Variants in CLEC19A observed in about 807,000 individuals in gnomAD.
The protein encoded by CLEC19A is C-type lectin domain containing 19A.
Under a neutral mutation model 26.1 loss-of-function variants are expected in CLEC19A, and 21 were observed. That is an observed-to-expected ratio of 0.80 (90% confidence interval 0.57 to 1.16). The LOEUF is 1.16. CLEC19A is among the 50% of genes most tolerant of loss of function. The probability of loss-of-function intolerance (pLI) is 0.00; values close to 1 mark genes in which losing one functional copy is unlikely to be tolerated. For missense variants in CLEC19A, 224 were observed against 227.6 expected (o/e 0.98, Z 0.10); for synonymous variants, 89 against 88.6 (o/e 1.00, Z -0.03).
At chr16:19,304,299 C>G (rs16971804) in intron 3 of CLEC19A, 144 bp downstream of exon 3, 183,496 of 661,686 alleles carry the variant, frequency 0.28, 26,530 homozygotes, top group African/African-American at 0.41. Flanking sequence ...GTCACAGTTA[C>G]AGCATGACCA....
chr16:19,295,444 C>T (rs1897686837), intron 1 of CLEC19A, among the ~76,000 whole-genome samples: 2 of 152,130 alleles, frequency 1.3e-5, no homozygotes, highest in South Asian at 4.1e-4. Context: ...CTCAAGCAGT[C>T]CACCCACCTC....
chr16:19,291,958 A>G (rs1897599256), intron 1 of CLEC19A, among the ~76,000 whole-genome samples: 1 of 152,134 alleles, frequency 6.6e-6, no homozygotes, highest in Non-Finnish European at 1.5e-5. Flanking sequence ...CAGAATGGGG[A>G]GGTGGGGTGT....
intron 1 of CLEC19A, among the ~76,000 whole-genome samples, chr16:19,293,400 T>G (rs961129166): frequency 2.6e-5 from 4 of 152,162 alleles, no homozygotes; most frequent in African/African-American, 9.7e-5. Flanking sequence ...CAGGGGAAAC[T>G]GGGTGAACGG....
rs1345605275 is a variant in CLEC19A, at chr16:19,310,407, G to C, written c.*1324G>C. 6.6e-6 allele frequency: 1 copy of C among 152,446 alleles called. No individual in the cohort carries two copies. The highest frequency in any genetic ancestry group is 1.9e-4 in the East Asian group (1 of 5,190). The allele number at this position is 152,446 out of a possible 1,614,324, so 9.4% of individuals were successfully genotyped here. On this transcript the variant is annotated 3_prime_UTR_variant, in exon 5 of 5. Transcript: ENST00000636231. ...GATCACTTGAGCCCAGGATATCAAG[G>C]CTGCAATGGACCATGATTGTGCTTC...
rs1216607440 is a variant in CLEC19A, at chr16:19,310,299, T to A, written c.*1216T>A. Reference sequence around the variant, plus strand: ...GCCTGGGCAACATAGTAAGACCCCATCTCCATAAGAAAAATTTTTTAATTA... The same window carrying A: ...GCCTGGGCAACATAGTAAGACCCCAACTCCATAAGAAAAATTTTTTAATTA... On this transcript the variant is annotated 3_prime_UTR_variant, in exon 5 of 5. Transcript: ENST00000636231. 6.6e-6 allele frequency: 1 copy of A among 151,468 alleles called. No individual in the cohort carries two copies. The highest frequency in any genetic ancestry group is 1.5e-5 in the Non-Finnish European group (1 of 67,874). The allele number at this position is 151,468 out of a possible 1,614,324, so 9.4% of individuals were successfully genotyped here.
rs1897449436 is a variant in CLEC19A at position 19,285,764 on chromosome 16, C to T, written c.-88C>T. ...CCAGCTCCTGCCAGGCTCCATCTGA[C>T]CCTAGGAGAGCAATCCTGGACCCAA... On this transcript the variant is annotated 5_prime_UTR_variant, in exon 1 of 5. Coordinates refer to ENST00000636231, the MANE Select transcript of CLEC19A (RefSeq NM_001256720.2). 8.6e-7 allele frequency: 1 copy of T among 1,157,620 alleles called. No homozygotes were observed. Among genetic ancestry groups the T allele is most frequent in the South Asian group, 1.3e-5 (1 of 75,838 alleles). The allele number at this position is 1,157,620 out of a possible 1,614,324, so 71.7% of individuals were successfully genotyped here. A position where few individuals can be genotyped will look rare whatever the true frequency, so the allele number is the denominator to read the frequency against.
chr16:19,307,522 C>A (rs1897982073), intron 3 of CLEC19A, 23 bp from the exon 4 acceptor site: 14 of 1,546,774 alleles, frequency 9.1e-6, no homozygotes, highest in Non-Finnish European at 1.2e-5. Context: ...GCTTCTTTGT[C>A]TCTTTGGGTG....
In CLEC19A at chr16:19,293,701, C is replaced by T. The variant is rs567735040; in HGVS notation, c.89-4972C>T. On this transcript the variant is annotated intron_variant, in intron 1 of 4. Transcript: ENST00000636231. ...AAACTCCTGGGCTCAAGCGATTTTCCCACCTTGGCCTCCCAAAGTGTTGAG... is the reference window on the plus strand; with the variant it reads ...AAACTCCTGGGCTCAAGCGATTTTCTCACCTTGGCCTCCCAAAGTGTTGAG... Among the ~76,000 whole-genome samples, 7 of 152,226 alleles carry T rather than the reference C, an allele frequency of 4.6e-5. No individual in the cohort carries two copies. In the East Asian group the frequency reaches 1.2e-3, roughly 25 times the overall value.
At chr16:19,289,301 T>C (rs557840477) in intron 1 of CLEC19A, among the ~76,000 whole-genome samples, 2 of 152,348 alleles carry the variant, frequency 1.3e-5, no homozygotes, top group South Asian at 2.1e-4. Flanking sequence ...GACTCTGCCA[T>C]GTGCATGTTC....
At chr16:19,303,661 G>A (rs1422847225) in intron 2 of CLEC19A, among the ~76,000 whole-genome samples, 3 of 152,136 alleles carry the variant, frequency 2.0e-5, no homozygotes, top group Non-Finnish European at 4.4e-5. Flanking sequence ...ATTATAAATG[G>A]GCAGTTTAAG....
rs1898017528 is a variant in CLEC19A at position 19,309,190 on chromosome 16, C to A, written c.*107C>A. 1.3e-5 allele frequency: 11 copies of A among 824,974 alleles called. No individual in the cohort carries two copies. In the Admixed American group the frequency reaches 1.7e-4, roughly 13 times the overall value. 51.1% of individuals were successfully genotyped at this position (824,974 alleles called of 1,614,324 possible). ...TGTAAAACATACATAGGAAGTAAAT[C>A]TCTTGGACAGAGATTTTAAACAAGC... On this transcript the variant is annotated 3_prime_UTR_variant, in exon 5 of 5. Transcript: ENST00000636231.
At chr16:19,295,110 G>A (rs1300389979) in intron 1 of CLEC19A, among the ~76,000 whole-genome samples, 5 of 152,088 alleles carry the variant, frequency 3.3e-5, no homozygotes, top group Non-Finnish European at 5.9e-5. Flanking sequence ...AAGGGGCGGC[G>A]ATAAAATTCC....
Position 19,298,729 on chromosome 16 carries a change from G to A in CLEC19A, c.145G>A (p.Gly49Ser), listed in dbSNP as rs1302081403. The change falls in exon 2 of 5, where the codon GGC becomes AGC. Residue 49 changes from glycine to serine, a missense_variant. By Grantham distance (56) the Gly-to-Ser change is moderately conservative. Coordinates refer to ENST00000636231, the MANE Select transcript of CLEC19A (RefSeq NM_001256720.2). Reference sequence around the variant, plus strand: ...CCCCCTGTTCTGGATGGAGTTCAAAGGCCACTGCTATCGATTCTTCCCTCT... The same window carrying A: ...CCCCCTGTTCTGGATGGAGTTCAAAAGCCACTGCTATCGATTCTTCCCTCT... ...LCPLFWMEFK[G>S]HCYRFFPLNK... The A allele has an allele frequency of 3.7e-5, 57 of 1,550,912 alleles. No homozygotes were observed. Among genetic ancestry groups the A allele is most frequent in the Non-Finnish European group, 4.7e-5 (54 of 1,147,122 alleles).
chr16:19,307,541 C>A lies in CLEC19A; in HGVS notation c.349-4C>A, dbSNP rs1306959534. Reference sequence around the variant, plus strand: ...CTTTGTCTCTTTGGGTGGAACCCTCCCAGGAAGGGCAGTTTGAATGGACTG... The same window carrying A: ...CTTTGTCTCTTTGGGTGGAACCCTCACAGGAAGGGCAGTTTGAATGGACTG... On this transcript the variant is annotated splice_region_variant and splice_polypyrimidine_tract_variant and intron_variant, in intron 3 of 4. Coordinates refer to ENST00000636231, the MANE Select transcript of CLEC19A (RefSeq NM_001256720.2). 1 of 1,547,838 alleles carries A rather than the reference C, an allele frequency of 6.5e-7. No homozygotes were observed. Among genetic ancestry groups the A allele is most frequent in the East Asian group, 2.4e-5 (1 of 40,884 alleles).
At chr16:19,299,163 GCCAGAAGATCCA>G (rs1897765825) in intron 2 of CLEC19A, among the ~76,000 whole-genome samples, 1 of 152,178 alleles carries the variant, frequency 6.6e-6, no homozygotes, top group Non-Finnish European at 1.5e-5. Context: ...CAAATAGCAT[GCCAGAAGATCCA>G]CCTTTATAAG....
rs187241063 is a variant in CLEC19A at position 19,308,187 on chromosome 16, T to A, written c.481+510T>A. On this transcript the variant is annotated intron_variant, in intron 4 of 4. Transcript: ENST00000636231. ...TCCTCTCTGAGATTCTGTTTCTTCTTCTATAAAATGGGCTTAATAATTTGT... is the reference window on the plus strand; with the variant it reads ...TCCTCTCTGAGATTCTGTTTCTTCTACTATAAAATGGGCTTAATAATTTGT... Among the ~76,000 whole-genome samples, 102 of 152,326 alleles carry A rather than the reference T, an allele frequency of 6.7e-4. 1 individual carries two copies. Among genetic ancestry groups the A allele is most frequent in the Non-Finnish European group, 1.2e-3 (85 of 68,026 alleles).
intron 3 of CLEC19A, among the ~76,000 whole-genome samples, chr16:19,306,054 A>G (rs1897946395): frequency 6.6e-6 from 1 of 151,498 alleles, no homozygotes; most frequent in Non-Finnish European, 1.5e-5. Context: ...CATGTTAGCC[A>G]GGATGGTCTT....
chr16:19,303,702 A>G (rs1897883232), intron 2 of CLEC19A, among the ~76,000 whole-genome samples: 1 of 152,224 alleles, frequency 6.6e-6, no homozygotes. Context: ...AGAAATGACT[A>G]GTGGAAATTT....
At chr16:19,287,087 A>G (rs1026131026) in intron 1 of CLEC19A, among the ~76,000 whole-genome samples, 1 of 141,846 alleles carries the variant, frequency 7.0e-6, no homozygotes, top group African/African-American at 2.7e-5. Context: ...GTCTTAGCTC[A>G]TTTGGGCAAG....
Sources: gnomAD v4.1 joint callset for allele counts (sites outside exome capture counted in the v4.1 genomes callset) on GRCh38, gnomAD v4.1.1 for gene constraint, MANE v1.5 for transcripts, NCBI Gene and HGNC (gene_info 2026-07-23, HGNC 2026-07-21) for gene names.